The following RBFOX1 variants were observed in gnomAD, a reference collection of about 807,000 sequenced individuals.
The protein encoded by RBFOX1 is RNA binding protein fox-1 homolog 1.
A neutral mutation model predicts 57.7 loss-of-function variants in RBFOX1; 8 were observed. The observed-to-expected ratio is 0.14, with a 90% CI of 0.08 to 0.25. The LOEUF (loss-of-function observed/expected upper bound fraction) is 0.25, where lower values mean the gene tolerates loss of function less well. Among genes scored for constraint, RBFOX1 ranks in the 10% least tolerant of loss-of-function variants. The probability of loss-of-function intolerance (pLI) is 1.00; values close to 1 mark genes in which losing one functional copy is unlikely to be tolerated. For missense variants in RBFOX1, 611 were observed against 548.5 expected (o/e 1.11, Z -1.14); for synonymous variants, 326 against 222.4 (o/e 1.47, Z -4.15).
intron 3 of RBFOX1, among the ~76,000 whole-genome samples, chr16:6,839,821 C>G (rs1005735563): frequency 6.6e-6 from 1 of 152,180 alleles, no homozygotes; most frequent in Non-Finnish European, 1.5e-5. Flanking sequence ...ACTTCGTGTA[C>G]TCATAGCTAT....
chr16:5,594,681 A>G (rs1377243007), intron 2 of RBFOX1, among the ~76,000 whole-genome samples: 3 of 152,148 alleles, frequency 2.0e-5, no homozygotes, highest in Admixed American at 2.0e-4. Context: ...TCAGATAGAT[A>G]GGCATTTATG....
chr16:6,597,012 T>A (rs2154000230), intron 2 of RBFOX1, among the ~76,000 whole-genome samples: 1 of 152,292 alleles, frequency 6.6e-6, no homozygotes, highest in Admixed American at 6.5e-5. Context: ...ACTGGAAAGC[T>A]TTCTTATCAA....
chr16:6,916,452 C>T (rs531950755), intron 3 of RBFOX1, among the ~76,000 whole-genome samples: 1 of 152,028 alleles, frequency 6.6e-6, no homozygotes, highest in South Asian at 2.1e-4. Flanking sequence ...TGGTCTAATA[C>T]ACCTTTGGTT....
At chr16:6,328,561 C>T (rs529116223) in intron 2 of RBFOX1, among the ~76,000 whole-genome samples, 54 of 152,126 alleles carry the variant, frequency 3.5e-4, no homozygotes, top group African/African-American at 1.2e-3. Flanking sequence ...AGCAGCAGTC[C>T]CAGTAGAAAA....
intron 4 of RBFOX1, among the ~76,000 whole-genome samples, chr16:7,447,739 T>C (rs541226472): frequency 3.9e-5 from 6 of 152,350 alleles, no homozygotes; most frequent in African/African-American, 1.4e-4. Context: ...CAATTAAGTA[T>C]TGATTAAAAG....
At chr16:5,522,509 A>C (rs997849484) in intron 2 of RBFOX1, among the ~76,000 whole-genome samples, 5 of 152,230 alleles carry the variant, frequency 3.3e-5, no homozygotes, top group African/African-American at 9.6e-5. Context: ...TAAGATACCC[A>C]TTACCTCAAA....
intron 4 of RBFOX1, among the ~76,000 whole-genome samples, chr16:5,912,820 A>G (rs1376823404): frequency 1.3e-5 from 2 of 152,194 alleles, no homozygotes; most frequent in African/African-American, 4.8e-5. Context: ...TGGTTTGGCG[A>G]TGAAAGTGAA....
At chr16:5,354,216 G>A (rs139817857) in intron 1 of RBFOX1, among the ~76,000 whole-genome samples, 4 of 152,314 alleles carry the variant, frequency 2.6e-5, no homozygotes, top group African/African-American at 9.6e-5. Flanking sequence ...TGTCTCCTGA[G>A]CACTAGTGGG....
intron 4 of RBFOX1, among the ~76,000 whole-genome samples, chr16:5,951,436 A>G (rs754595226): frequency 6.6e-6 from 1 of 152,168 alleles, no homozygotes; most frequent in African/African-American, 2.4e-5. Context: ...CAACACAGCA[A>G]GACTCCATCT....
intron 2 of RBFOX1, among the ~76,000 whole-genome samples, chr16:5,580,782 C>T (rs1360908516): frequency 1.3e-5 from 2 of 152,128 alleles, no homozygotes; most frequent in East Asian, 1.9e-4. Context: ...GGGATTCCAG[C>T]GAAGGGCAAT....
rs9302813 is a variant in RBFOX1 at position 5,864,600 on chromosome 16, G to A, written c.319-2703G>A. Among the ~76,000 whole-genome samples the A allele has an allele frequency of 4.9e-3, 717 of 147,658 alleles. 2 individuals are homozygous for A. Among genetic ancestry groups the A allele is most frequent in the African/African-American group, 0.017 (689 of 40,022 alleles). On this transcript the variant is annotated intron_variant, in intron 3 of 19. Transcript: ENST00000641259. ...TTATGTACACTTTTCTGAATGTTTC[G>A]TTTTTCATTAACAATATATGCTGTA...
intron 4 of RBFOX1, among the ~76,000 whole-genome samples, chr16:7,121,057 C>G (rs987345776): frequency 3.3e-5 from 5 of 151,880 alleles, no homozygotes; most frequent in African/African-American, 1.2e-4. Flanking sequence ...AAAACAAAAG[C>G]TAATCTACAT....
chr16:7,473,238 C>T (rs1435368886), intron 4 of RBFOX1, among the ~76,000 whole-genome samples: 1 of 151,830 alleles, frequency 6.6e-6, no homozygotes, highest in African/African-American at 2.4e-5. Context: ...ACTAGCTGGG[C>T]ATGGTGGCGG....
At chr16:5,751,434 A>G (rs1238481961) in intron 3 of RBFOX1, among the ~76,000 whole-genome samples, 1 of 152,214 alleles carries the variant, frequency 6.6e-6, no homozygotes, top group Non-Finnish European at 1.5e-5. Flanking sequence ...GTCTCCACCC[A>G]ATAGAGAAGT....
rs761370339 is a variant in RBFOX1 at position 7,534,846 on chromosome 16, C to T, written c.270+16457C>T. Among the ~76,000 whole-genome samples, 72 of 152,120 alleles carry T rather than the reference C, an allele frequency of 4.7e-4. 1 individual carries two copies. The highest frequency in any genetic ancestry group is 7.2e-4 in the Non-Finnish European group (49 of 68,010). On this transcript the variant is annotated intron_variant, in intron 5 of 15. Coordinates refer to ENST00000550418, the MANE Select transcript of RBFOX1 (RefSeq NM_018723.4). ...GCTGCTCAAACGTCTTGACTTGCCC[C>T]GCTATGTGTGTGTGTGGCTTTAGGA...
chr16:6,652,883 A>C (rs901758969), intron 2 of RBFOX1, among the ~76,000 whole-genome samples: 1 of 152,214 alleles, frequency 6.6e-6, no homozygotes, highest in Non-Finnish European at 1.5e-5. Flanking sequence ...CTGTGCACCT[A>C]CCATGGTAAA....
chr16:6,636,729 A>G (rs1298044373), intron 2 of RBFOX1, among the ~76,000 whole-genome samples: 2 of 143,164 alleles, frequency 1.4e-5, no homozygotes, highest in African/African-American at 5.1e-5. Flanking sequence ...TGGAAGTCAT[A>G]AAATAAGCCA....
intron 3 of RBFOX1, among the ~76,000 whole-genome samples, chr16:6,798,022 T>TGAC (rs1448100795): frequency 6.6e-6 from 1 of 152,094 alleles, no homozygotes. Flanking sequence ...ATGATGATGA[T>TGAC]GGTGATGATG....
At chr16:6,504,909 A>T (rs1481658522) in intron 2 of RBFOX1, among the ~76,000 whole-genome samples, 3 of 151,926 alleles carry the variant, frequency 2.0e-5, no homozygotes, top group African/African-American at 4.8e-5. Context: ...CAAAAAAAAA[A>T]AAATTTTGTA....
Sources: allele counts gnomAD v4.1 joint callset (sites outside exome capture counted in the v4.1 genomes callset), GRCh38; gene constraint gnomAD v4.1.1; transcripts MANE v1.5; gene names NCBI Gene and HGNC (gene_info 2026-07-23, HGNC 2026-07-21).